The following COL11A1 variants were observed in gnomAD, a reference collection of about 807,000 sequenced individuals.
COL11A1 encodes collagen alpha-1(XI) chain.
A neutral mutation model predicts 265.2 loss-of-function variants in COL11A1; 74 were observed. The ratio of observed to expected loss-of-function variants is 0.28; its 90% confidence interval spans 0.23 to 0.34. The LOEUF (loss-of-function observed/expected upper bound fraction) is 0.34. COL11A1 is among the 10% of genes least tolerant of loss of function. COL11A1 has a pLI of 1.00. For missense variants in COL11A1, 2,165 were observed against 2,263.6 expected, an observed-to-expected ratio of 0.96 and a Z score of 0.88; for synonymous variants, 816 against 727.6, an observed-to-expected ratio of 1.12 and a Z score of -1.96.
chr1:103,035,999 A>G (rs1158912401), intron 4 of COL11A1, among the ~76,000 whole-genome samples: 1 of 151,856 alleles, frequency 6.6e-6, no homozygotes, highest in African/African-American at 2.4e-5. Context: ...ATAAATGAAA[A>G]AAAGCAAAGA....
At chr1:103,067,675 G>A (rs1423005093) in intron 4 of COL11A1, among the ~76,000 whole-genome samples, 1 of 151,570 alleles carries the variant, frequency 6.6e-6, no homozygotes, top group Admixed American at 6.6e-5. Context: ...CTGGTTTGTT[G>A]AGAATATCAA....
chr1:103,014,233 TG>T (rs1666367899), intron 13 of COL11A1, among the ~76,000 whole-genome samples: 1 of 151,864 alleles, frequency 6.6e-6, no homozygotes, highest in South Asian at 2.1e-4. Flanking sequence ...TCAATACTCT[TG>T]GGAAAAAAAA....
At chr1:103,000,765 G>T (rs1175668301) in intron 24 of COL11A1, among the ~76,000 whole-genome samples, 1 of 151,872 alleles carries the variant, frequency 6.6e-6, no homozygotes, top group Non-Finnish European at 1.5e-5. Flanking sequence ...ATACCAAAAA[G>T]AATGAAAACA....
chr1:102,896,903 G>A (rs937520773), intron 57 of COL11A1, among the ~76,000 whole-genome samples: 1 of 152,086 alleles, frequency 6.6e-6, no homozygotes, highest in East Asian at 1.9e-4. Context: ...ACTCTGGGCA[G>A]TTATGAGTTT....
At chr1:103,061,200 C>A (rs1670648278) in intron 4 of COL11A1, among the ~76,000 whole-genome samples, 1 of 151,916 alleles carries the variant, frequency 6.6e-6, no homozygotes, top group African/African-American at 2.4e-5. Flanking sequence ...AAGGTCAGTG[C>A]ACCAAAAAGA....
intron 28 of COL11A1, among the ~76,000 whole-genome samples, chr1:102,995,556 C>T (rs1315880122): frequency 6.6e-6 from 1 of 150,836 alleles, no homozygotes; most frequent in African/African-American, 2.4e-5. Context: ...AATCCTGCAG[C>T]AAATCCATTC....
At chr1:102,944,363 C>T (rs543241400) in intron 42 of COL11A1, among the ~76,000 whole-genome samples, 12 of 152,244 alleles carry the variant, frequency 7.9e-5, no homozygotes, top group Admixed American at 2.0e-4. Context: ...TGTCCCTAAG[C>T]AGACAGCTCC....
At chr1:102,970,545 A>G (rs957721976) in intron 36 of COL11A1, among the ~76,000 whole-genome samples, 1 of 152,180 alleles carries the variant, frequency 6.6e-6, no homozygotes, top group Non-Finnish European at 1.5e-5. Context: ...GTAAAATAAT[A>G]TTTGCAAAGG....
chr1:102,917,054 A>G (rs1655421598), intron 49 of COL11A1, among the ~76,000 whole-genome samples: 1 of 151,892 alleles, frequency 6.6e-6, no homozygotes. Context: ...TAATTAGAAA[A>G]AAAACCTAAA....
chr1:102,912,264 C>A, intron 53 of COL11A1, 52 bp from the exon 54 acceptor site: 1 of 1,468,964 alleles, frequency 6.8e-7, no homozygotes, highest in Non-Finnish European at 9.3e-7. Flanking sequence ...ATTTTGTGGC[C>A]CACATAAATT....
At chr1:103,075,764 A>G (rs1356337968) in intron 3 of COL11A1, among the ~76,000 whole-genome samples, 1 of 152,154 alleles carries the variant, frequency 6.6e-6, no homozygotes, top group African/African-American at 2.4e-5. Flanking sequence ...AAAATACCCA[A>G]AAAGTTGCAG....
At position 103,108,217 on chromosome 1, in the gene COL11A1, G is replaced by GA. The variant is rs780655429; in HGVS notation, c.-40dup. 6.4e-7 allele frequency: 1 copy of GA among 1,563,698 alleles called. No individual in the cohort carries two copies. Among genetic ancestry groups the GA allele is most frequent in the Non-Finnish European group, 8.8e-7 (1 of 1,135,706 alleles). On this transcript the variant is annotated 5_prime_UTR_variant, in exon 1 of 67. Transcript: ENST00000370096. ...ACTCACAACTGTGAACTCAACCCAC[G>GA]AAATTGCGACTGCAGACCAACTTCG...
chr1:102,989,467 A>C (rs1205547193), intron 29 of COL11A1, 51 bp downstream of exon 29: 3 of 1,136,254 alleles, frequency 2.6e-6, no homozygotes, highest in Non-Finnish European at 3.8e-6. Context: ...AGGAAAAAAT[A>C]TATATATATA....
intron 37 of COL11A1, among the ~76,000 whole-genome samples, chr1:102,966,002 AAAAT>A (rs1661369448): frequency 6.6e-6 from 1 of 152,204 alleles, no homozygotes; most frequent in Non-Finnish European, 1.5e-5. Flanking sequence ...TAGATCTACT[AAAAT>A]AATGCTTTGC....
intron 57 of COL11A1, among the ~76,000 whole-genome samples, chr1:102,894,671 T>C (rs187628064): frequency 1.2e-4 from 19 of 152,266 alleles, no homozygotes; most frequent in Admixed American, 1.0e-3. Context: ...AAAATTATAT[T>C]ATACCGACTC....
chr1:102,975,199 T>C (rs1186740863), intron 35 of COL11A1, among the ~76,000 whole-genome samples: 1 of 151,352 alleles, frequency 6.6e-6, no homozygotes, highest in Non-Finnish European at 1.5e-5. Flanking sequence ...TCTTTACTTT[T>C]AACATTGGCT....
intron 2 of COL11A1, 131 bp downstream of exon 2, chr1:103,082,674 C>T (rs2102322742): frequency 2.6e-6 from 2 of 760,310 alleles, no homozygotes; most frequent in South Asian, 2.1e-5. Flanking sequence ...TGCATTTTAC[C>T]ATATAATTGC....
At chr1:103,015,529 CA>C in intron 12 of COL11A1, 138 bp downstream of exon 12, 9 of 602,146 alleles carry the variant, frequency 1.5e-5, no homozygotes, top group Non-Finnish European at 2.5e-5. Flanking sequence ...CCTGAATTTC[CA>C]AATGCTGCTT....
intron 4 of COL11A1, among the ~76,000 whole-genome samples, chr1:103,054,390 A>G (rs1670060709): frequency 2.0e-5 from 3 of 152,134 alleles, no homozygotes; most frequent in Admixed American, 2.0e-4. Flanking sequence ...CTACTCTAAC[A>G]AGAGTAAATG....
Sources: gnomAD v4.1 joint callset for allele counts (sites outside exome capture counted in the v4.1 genomes callset) on GRCh38, gnomAD v4.1.1 for gene constraint, MANE v1.5 for transcripts, NCBI Gene and HGNC (gene_info 2026-07-23, HGNC 2026-07-21) for gene names.